MAPK10: variants seen among roughly 807,000 people sequenced by gnomAD.
MAPK10 encodes the protein mitogen-activated protein kinase 10, also known as JNK3 alpha protein kinase.
A neutral mutation model predicts 59.3 loss-of-function variants in MAPK10; 25 were observed. The observed-to-expected ratio is 0.42, with a 90% confidence interval of 0.31 to 0.59. MAPK10 has a LOEUF of 0.59. Ranked by LOEUF, MAPK10 falls within the 20% of genes least tolerant of loss-of-function variation. The pLI, the probability that MAPK10 is intolerant of heterozygous loss-of-function variation, is 0.15. For synonymous variants in MAPK10, 190 were observed against 200.5 expected (o/e 0.95, Z 0.44); for missense variants, 351 against 568.9 (o/e 0.62, Z 3.90).
Position 86,057,134 on chromosome 4 carries a change from G to A in MAPK10, c.1110+7132C>T, listed in dbSNP as rs748881455. On this transcript the variant is annotated intron_variant, in intron 11 of 13. Coordinates refer to ENST00000641462, the MANE Select transcript of MAPK10 (RefSeq NM_138982.4). ...GGCTAATTTTTGTATTTTTAGTAGAGATGGGGTTTTGCCGTGTTGGCCAGG... is the reference window on the plus strand; with the variant it reads ...GGCTAATTTTTGTATTTTTAGTAGAAATGGGGTTTTGCCGTGTTGGCCAGG... Among the ~76,000 whole-genome samples, 12 of 148,852 alleles carry A rather than the reference G, an allele frequency of 8.1e-5. 1 individual carries two copies. The highest frequency in any genetic ancestry group is 1.8e-4 in the Non-Finnish European group (12 of 67,366).
chr4:86,391,949 C>T (rs1742251636), intron 1 of MAPK10, among the ~76,000 whole-genome samples: 1 of 152,170 alleles, frequency 6.6e-6, no homozygotes, highest in Non-Finnish European at 1.5e-5. Flanking sequence ...CCTTCCCTGG[C>T]CACAGTGGCA....
intron 13 of MAPK10, among the ~76,000 whole-genome samples, chr4:86,023,537 T>C (rs769430484): frequency 6.6e-6 from 1 of 152,120 alleles, no homozygotes; most frequent in Admixed American, 6.5e-5. Flanking sequence ...CTGTCATTTC[T>C]TGACAATATT....
At chr4:86,372,127 T>C (rs916571957) in intron 1 of MAPK10, among the ~76,000 whole-genome samples, 3 of 152,120 alleles carry the variant, frequency 2.0e-5, no homozygotes, top group Non-Finnish European at 4.4e-5. Flanking sequence ...AACCACATAA[T>C]TGTAAGTAAA....
At position 86,431,474 on chromosome 4, in the gene MAPK10, A is replaced by T. The variant is rs936050167; in HGVS notation, c.-122+21556T>A. Among the ~76,000 whole-genome samples the T allele has an allele frequency of 3.3e-5, 5 of 152,232 alleles. No individual in the cohort carries two copies. In the East Asian group the frequency reaches 9.6e-4, roughly 29 times the overall value. ...ACAGAATTTCTACAAAATATTTTAT[A>T]TTATATTCATGGAAATTCACATTGT... is the stretch of plus-strand genomic sequence containing the variant. On this transcript the variant is annotated intron_variant, in intron 1 of 13. Coordinates refer to the MAPK10 transcript ENST00000361569.
chr4:86,306,891 T>A (rs2148860546), intron 2 of MAPK10, among the ~76,000 whole-genome samples: 1 of 152,276 alleles, frequency 6.6e-6, no homozygotes, highest in Non-Finnish European at 1.5e-5. Flanking sequence ...TTATATGTAG[T>A]CTTTGTGGAG....
chr4:86,216,756 A>G (rs1234857988), intron 2 of MAPK10, among the ~76,000 whole-genome samples: 1 of 152,080 alleles, frequency 6.6e-6, no homozygotes, highest in African/African-American at 2.4e-5. Flanking sequence ...ATATATTGTA[A>G]AATGGAAAAA....
At chr4:86,095,008 GA>G (rs1195338014) in intron 9 of MAPK10, 1 of 151,718 alleles carries the variant, frequency 6.6e-6, no homozygotes, top group Non-Finnish European at 1.5e-5. Context: ...AAACTATAGT[GA>G]AAATTAAGTG....
intron 2 of MAPK10, among the ~76,000 whole-genome samples, chr4:86,204,191 A>T (rs2083297803): frequency 6.6e-6 from 1 of 152,010 alleles, no homozygotes; most frequent in Admixed American, 6.6e-5. Context: ...ATGCTAACTG[A>T]CAAAGAACCA....
chr4:86,069,911 C>CA (rs34324822), intron 9 of MAPK10, among the ~76,000 whole-genome samples: 27 of 151,564 alleles, frequency 1.8e-4, no homozygotes, highest in South Asian at 4.2e-4. Context: ...ACTCCCAAAA[C>CA]AAAAAAAACT....
At chr4:86,198,286 A>T (rs2081856883) in intron 2 of MAPK10, among the ~76,000 whole-genome samples, 1 of 152,052 alleles carries the variant, frequency 6.6e-6, no homozygotes, top group South Asian at 2.1e-4. Context: ...CCTGCCCATT[A>T]CAAAAGATTT....
At chr4:86,203,048 C>T (rs1207858756) in intron 2 of MAPK10, among the ~76,000 whole-genome samples, 1 of 151,886 alleles carries the variant, frequency 6.6e-6, no homozygotes, top group Non-Finnish European at 1.5e-5. Flanking sequence ...CAATATTATG[C>T]TAAAGTGAAA....
chr4:86,194,454 TC>T (rs1199849283), intron 2 of MAPK10, 47 bp from the exon 3 acceptor site: 8 of 1,067,340 alleles, frequency 7.5e-6, no homozygotes, highest in African/African-American at 1.6e-5. Flanking sequence ...CACTAGTTTT[TC>T]ATTATATAAC....
chr4:86,426,392 A>G (rs570985533), intron 1 of MAPK10, among the ~76,000 whole-genome samples: 65 of 152,356 alleles, frequency 4.3e-4, no homozygotes, highest in African/African-American at 1.4e-3. Flanking sequence ...TTCTACTTGA[A>G]GTAAATGAAA....
At chr4:86,408,570 T>C (rs905084998) in intron 1 of MAPK10, among the ~76,000 whole-genome samples, 1 of 152,114 alleles carries the variant, frequency 6.6e-6, no homozygotes, top group East Asian at 1.9e-4. Flanking sequence ...CTGTTGTTTC[T>C]TGACTTTTTA....
chr4:86,480,007 C>T (rs1049288962), intron 1 of MAPK10, among the ~76,000 whole-genome samples: 2 of 152,110 alleles, frequency 1.3e-5, no homozygotes, highest in East Asian at 3.9e-4. Context: ...TTTTCGCCAC[C>T]CCAACACTTC....
intron 1 of MAPK10, among the ~76,000 whole-genome samples, chr4:86,412,247 T>C (rs1745276444): frequency 6.6e-6 from 1 of 152,238 alleles, no homozygotes; most frequent in Non-Finnish European, 1.5e-5. Flanking sequence ...TTCTGGCTTG[T>C]AGGGTTTCTG....
chr4:86,456,949 A>T (rs1751293824), upstream of MAPK10, among the ~76,000 whole-genome samples: 1 of 152,188 alleles, frequency 6.6e-6, no homozygotes, highest in Non-Finnish European at 1.5e-5. Flanking sequence ...CATCCAAAAG[A>T]TAATCTACCA....
intron 9 of MAPK10, among the ~76,000 whole-genome samples, chr4:86,093,479 C>T (rs1456158425): frequency 6.6e-6 from 1 of 151,720 alleles, no homozygotes; most frequent in African/African-American, 2.4e-5. Context: ...AAAATTAGAA[C>T]ATTTCTTTTA....
At chr4:86,342,916 C>T (rs1397904901) in intron 2 of MAPK10, among the ~76,000 whole-genome samples, 4 of 152,098 alleles carry the variant, frequency 2.6e-5, no homozygotes, top group Admixed American at 2.6e-4. Flanking sequence ...TTTTCTTAAA[C>T]CAGTTTAGAA....
Sources: allele counts gnomAD v4.1 joint callset (sites outside exome capture counted in the v4.1 genomes callset), GRCh38; gene constraint gnomAD v4.1.1; transcripts MANE v1.5; gene names NCBI Gene and HGNC (gene_info 2026-07-23, HGNC 2026-07-21).